ALPK1: variants seen among roughly 807,000 people sequenced by gnomAD.
ALPK1 encodes alpha kinase 1.
Under a neutral mutation model 120.6 loss-of-function variants are expected in ALPK1, and 110 were observed. The observed-to-expected ratio is 0.91, with a 90% confidence interval of 0.78 to 1.07. The LOEUF (loss-of-function observed/expected upper bound fraction) is 1.07, where lower values mean the gene tolerates loss of function less well. Ranked by LOEUF, ALPK1 falls within the 50% of genes least tolerant of loss-of-function variation. ALPK1 has a pLI of 0.00. For missense variants in ALPK1, 1,498 were observed against 1,483.9 expected (o/e 1.01, Z -0.16); for synonymous variants, 582 against 560.3 (o/e 1.04, Z -0.55).
intron 5 of ALPK1, among the ~76,000 whole-genome samples, chr4:112,417,895 A>G (rs1344245896): frequency 1.3e-5 from 2 of 152,352 alleles, no homozygotes; most frequent in African/African-American, 4.8e-5. Context: ...CAAAATTTTC[A>G]ACCGACTTAG....
At chr4:112,345,384 T>C (rs1730057800) in intron 2 of ALPK1, among the ~76,000 whole-genome samples, 1 of 152,194 alleles carries the variant, frequency 6.6e-6, no homozygotes, top group African/African-American at 2.4e-5. Context: ...AATGGGGCCC[T>C]GATTAAAAAT....
At chr4:112,404,007 G>A (rs137973420) in intron 4 of ALPK1, among the ~76,000 whole-genome samples, 22 of 152,352 alleles carry the variant, frequency 1.4e-4, no homozygotes, top group African/African-American at 3.8e-4. Context: ...CAATTCGCAC[G>A]TGTGTGCTTA....
intron 2 of ALPK1, among the ~76,000 whole-genome samples, chr4:112,360,440 G>A (rs542981692): frequency 1.1e-4 from 16 of 152,220 alleles, no homozygotes; most frequent in African/African-American, 3.9e-4. Context: ...TTTATATTAA[G>A]TACAATGTTT....
At chr4:112,312,497 C>T (rs1328449334) in intron 1 of ALPK1, among the ~76,000 whole-genome samples, 1 of 152,222 alleles carries the variant, frequency 6.6e-6, no homozygotes, top group Non-Finnish European at 1.5e-5. Context: ...TGGTCTCGAT[C>T]TCCTAACCTC....
At chr4:112,383,811 A>T (rs1732028858) in intron 4 of ALPK1, 1 of 152,246 alleles carries the variant, frequency 6.6e-6, no homozygotes, top group African/African-American at 2.4e-5. Context: ...CAAAAATATT[A>T]TACATTAAAA....
chr4:112,350,641 G>A (rs908683128), intron 2 of ALPK1, among the ~76,000 whole-genome samples: 1 of 152,166 alleles, frequency 6.6e-6, no homozygotes, highest in Non-Finnish European at 1.5e-5. Context: ...TTAGTGGAAA[G>A]CAAAGTGATC....
In ALPK1 at chr4:112,401,379, A is replaced by G. The variant is rs551752119; in HGVS notation, c.277-10448A>G. Among the ~76,000 whole-genome samples the G allele has an allele frequency of 1.3e-4, 20 of 152,356 alleles. 1 individual carries two copies. In the South Asian group the frequency reaches 4.1e-3, roughly 32 times the overall value. ...GTTGCAGAATTGTTGGATTTGTGCT[A>G]TAGAAGAAGGAAACTGAAAGAACAA... On this transcript the variant is annotated intron_variant, in intron 4 of 15. Transcript: ENST00000650871.
intron 4 of ALPK1, among the ~76,000 whole-genome samples, chr4:112,393,582 T>A (rs1299452408): frequency 6.6e-6 from 1 of 152,026 alleles, no homozygotes; most frequent in Non-Finnish European, 1.5e-5. Flanking sequence ...ACCATTATAA[T>A]AAAGGAAGTG....
At chr4:112,303,189 T>C (rs1293690249) in intron 1 of ALPK1, among the ~76,000 whole-genome samples, 1 of 152,156 alleles carries the variant, frequency 6.6e-6, no homozygotes, top group Non-Finnish European at 1.5e-5. Context: ...CTTTCTCTCT[T>C]ACTGTGTGTT....
At chr4:112,400,765 G>C (rs145949712) in intron 4 of ALPK1, among the ~76,000 whole-genome samples, 78 of 152,296 alleles carry the variant, frequency 5.1e-4, no homozygotes, top group African/African-American at 1.8e-3. Context: ...ATTCAGATGT[G>C]GGTTGGAAAA....
chr4:112,357,754 G>A (rs535853172), intron 2 of ALPK1: 2 of 1,254,286 alleles, frequency 1.6e-6, no homozygotes, highest in East Asian at 4.6e-5. Context: ...GAAGGCTCTG[G>A]GCAACATCGC....
chr4:112,301,589 G>C (rs1001470199), intron 1 of ALPK1, among the ~76,000 whole-genome samples: 4 of 152,060 alleles, frequency 2.6e-5, no homozygotes, highest in Admixed American at 1.3e-4. Flanking sequence ...TCAGTAAAGT[G>C]ACCTCTGATC....
intron 4 of ALPK1, among the ~76,000 whole-genome samples, chr4:112,404,899 C>T (rs1359505758): frequency 1.3e-5 from 2 of 152,184 alleles, no homozygotes; most frequent in Admixed American, 1.3e-4. Flanking sequence ...AATTTAGTCT[C>T]CCTACCGAAG....
At chr4:112,349,640 G>A (rs1187773445) in intron 2 of ALPK1, among the ~76,000 whole-genome samples, 1 of 137,178 alleles carries the variant, frequency 7.3e-6, no homozygotes, top group Admixed American at 8.7e-5. Flanking sequence ...TGCAACTTCC[G>A]TCTCCCAGGT....
At chr4:112,402,449 C>G (rs1732960903) in intron 4 of ALPK1, among the ~76,000 whole-genome samples, 1 of 152,232 alleles carries the variant, frequency 6.6e-6, no homozygotes, top group African/African-American at 2.4e-5. Flanking sequence ...TTAGAAAAGG[C>G]TCTTCAGCAT....
chr4:112,365,246 G>A (rs1213565951), intron 2 of ALPK1, among the ~76,000 whole-genome samples: 1 of 152,164 alleles, frequency 6.6e-6, no homozygotes, highest in Non-Finnish European at 1.5e-5. Context: ...ATCCAAGTTG[G>A]TAATGAGGAA....
rs762856709 is a variant in ALPK1, at chr4:112,407,736, G to A, written c.277-4091G>A. ...GAGGAAAGAGTGGGGAATCACCTCT[G>A]GAGAATAGCCGGCCTCTGAACATTG... On this transcript the variant is annotated intron_variant, in intron 4 of 15. Coordinates refer to ENST00000650871, the MANE Select transcript of ALPK1 (RefSeq NM_025144.4). Among the ~76,000 whole-genome samples the A allele has an allele frequency of 5.3e-5, 8 of 152,088 alleles. No homozygotes were observed. In the South Asian group the frequency reaches 6.2e-4, roughly 12 times the overall value.
chr4:112,368,726 C>T (rs1731263103), intron 2 of ALPK1, among the ~76,000 whole-genome samples: 1 of 152,064 alleles, frequency 6.6e-6, no homozygotes, highest in Admixed American at 6.5e-5. Context: ...AATTTTTGTT[C>T]CCCTCCATCA....
intron 2 of ALPK1, among the ~76,000 whole-genome samples, chr4:112,376,054 CT>C (rs1182025229): frequency 6.6e-6 from 1 of 152,184 alleles, no homozygotes; most frequent in African/African-American, 2.4e-5. Flanking sequence ...ATTAACTTTG[CT>C]GGCTCCCAGA....
Sources: gnomAD v4.1 joint callset for allele counts (sites outside exome capture counted in the v4.1 genomes callset) on GRCh38, gnomAD v4.1.1 for gene constraint, MANE v1.5 for transcripts, NCBI Gene and HGNC (gene_info 2026-07-23, HGNC 2026-07-21) for gene names.